BMP6: variants seen among roughly 807,000 people sequenced by gnomAD.
BMP6 encodes VG-1-R.
Under a neutral mutation model 54.1 loss-of-function variants are expected in BMP6, and 17 were observed. The observed-to-expected ratio is 0.31, with a 90% CI of 0.22 to 0.47. The LOEUF is 0.47. Among genes scored for constraint, BMP6 ranks in the 20% least tolerant of loss-of-function variants. BMP6 has a pLI of 1.00. For synonymous variants in BMP6, 328 were observed against 291.2 expected (o/e 1.13, Z -1.28); for missense variants, 720 against 690.4 (o/e 1.04, Z -0.48).
intron 1 of BMP6, among the ~76,000 whole-genome samples, chr6:7,803,909 G>C (rs1758309271): frequency 6.6e-6 from 1 of 152,054 alleles, no homozygotes; most frequent in Non-Finnish European, 1.5e-5. Flanking sequence ...ATTTTTACCA[G>C]GTACTACAGT....
At chr6:7,779,259 C>T (rs970901352) in intron 1 of BMP6, among the ~76,000 whole-genome samples, 1 of 152,076 alleles carries the variant, frequency 6.6e-6, no homozygotes. Context: ...GGGGGATGCT[C>T]AAGTTATCAG....
At chr6:7,832,502 C>T (rs1758808256) in intron 1 of BMP6, among the ~76,000 whole-genome samples, 1 of 152,066 alleles carries the variant, frequency 6.6e-6, no homozygotes, top group East Asian at 1.9e-4. Context: ...GTGAGAAATA[C>T]ATTTGTGTTG....
At position 7,823,657 on chromosome 6, in the gene BMP6, T is replaced by C. The variant is rs150203289; in HGVS notation, c.665-21483T>C. 2.6e-5 allele frequency among the ~76,000 whole-genome samples: 4 copies of C among 152,236 alleles called. No individual in the cohort carries two copies. The South Asian group carries it at 8.3e-4, about 32-fold the overall frequency. Reference sequence around the variant, plus strand: ...AGAAGGTCTCTCTGAGGAGATGATATGTGAGCAGAGATGTGACAAGGGGAG... The same window carrying C: ...AGAAGGTCTCTCTGAGGAGATGATACGTGAGCAGAGATGTGACAAGGGGAG... On this transcript the variant is annotated intron_variant, in intron 1 of 6. Transcript: ENST00000283147.
rs1260406263 is a variant in BMP6, at chr6:7,727,219, G to T, written c.264G>T (p.Gly88=). ...EMQKEILSVL[G]LPHRPRPLHG... is the part of the protein sequence containing the mutation. ...AGAAGGAGATCTTGTCGGTGCTGGG[G>T]CTCCCGCACCGGCCCCGGCCCCTGC... Residue 88 remains glycine (G), a synonymous_variant, in exon 1 of 7, where the codon GGG becomes GGT. Transcript: ENST00000283147. The T allele has an allele frequency of 1.2e-6, 2 of 1,605,474 alleles. No homozygotes were observed. The highest frequency in any genetic ancestry group is 8.5e-7 in the Non-Finnish European group (1 of 1,176,806).
rs3837026 is a variant in BMP6 at position 7,861,084 on chromosome 6, C to CA, written c.858-354dup. ...TAGGTGACAGAGTGAGACCCAGTCT[C>CA]AAAAAAAAAAAAATAAAAAAGTTTT... On this transcript the variant is annotated intron_variant, in intron 2 of 6. Transcript: ENST00000283147. Among the ~76,000 whole-genome samples, 1,254 of 131,718 alleles carry CA rather than the reference C, an allele frequency of 9.5e-3. 8 individuals are homozygous for CA. Among genetic ancestry groups the CA allele is most frequent in the East Asian group, 0.015 (71 of 4,612 alleles). 86.4% of individuals were successfully genotyped at this position (131,718 alleles called of 152,430 possible). A position where few individuals can be genotyped will look rare whatever the true frequency, so the allele number is the denominator to read the frequency against.
At chr6:7,878,465 G>T (rs1027397958) in intron 4 of BMP6, among the ~76,000 whole-genome samples, 1 of 152,122 alleles carries the variant, frequency 6.6e-6, no homozygotes, top group Non-Finnish European at 1.5e-5. Context: ...AGGAACCCCT[G>T]GCTTAGTGTT....
intron 1 of BMP6, among the ~76,000 whole-genome samples, chr6:7,778,952 A>G (rs968830896): frequency 1.3e-5 from 2 of 152,354 alleles, no homozygotes; most frequent in Non-Finnish European, 2.9e-5. Context: ...TACACTGAGG[A>G]CAGGTGCTGT....
At chr6:7,858,276 G>A (rs561126633) in intron 2 of BMP6, among the ~76,000 whole-genome samples, 1 of 151,932 alleles carries the variant, frequency 6.6e-6, no homozygotes, top group Admixed American at 6.6e-5. Context: ...GTAGAGGTAG[G>A]GTTTCGCCAT....
chr6:7,793,509 T>G lies in BMP6; in HGVS notation c.665-51631T>G, dbSNP rs144474081. Among the ~76,000 whole-genome samples, 15 of 152,014 alleles carry G rather than the reference T, an allele frequency of 9.9e-5. No individual in the cohort carries two copies. In the East Asian group the frequency reaches 2.5e-3, roughly 26 times the overall value. On this transcript the variant is annotated intron_variant, in intron 1 of 6. Coordinates refer to ENST00000283147, the MANE Select transcript of BMP6 (RefSeq NM_001718.6). ...ACAACACCGAGAGTGAACTCTAATG[T>G]CAACTGTGGACCTTGGGTGATAATG...
At chr6:7,803,887 A>C (rs1191254765) in intron 1 of BMP6, among the ~76,000 whole-genome samples, 1 of 152,166 alleles carries the variant, frequency 6.6e-6, no homozygotes, top group African/African-American at 2.4e-5. Context: ...ATTGGATGAA[A>C]TATGGTAATT....
chr6:7,808,824 G>A (rs1405801697), intron 1 of BMP6, among the ~76,000 whole-genome samples: 1 of 149,348 alleles, frequency 6.7e-6, no homozygotes, highest in African/African-American at 2.5e-5. Context: ...TAAAGCAGAA[G>A]GATTGCTTGA....
chr6:7,729,350 C>T (rs1761810372), intron 1 of BMP6, among the ~76,000 whole-genome samples: 1 of 150,282 alleles, frequency 6.7e-6, no homozygotes, highest in Middle Eastern at 3.2e-3. Context: ...TCCAGGTTTC[C>T]TGGCAGCTCT....
intron 4 of BMP6, among the ~76,000 whole-genome samples, chr6:7,870,601 T>A (rs907485355): frequency 6.6e-6 from 1 of 152,090 alleles, no homozygotes; most frequent in African/African-American, 2.4e-5. Flanking sequence ...GAAACAGGCA[T>A]GTCTGTCTTG....
At chr6:7,788,602 C>G (rs866394402) in intron 1 of BMP6, among the ~76,000 whole-genome samples, 3 of 152,288 alleles carry the variant, frequency 2.0e-5, no homozygotes, top group South Asian at 2.1e-4. Context: ...AGTGTATTAT[C>G]AAAGAGTCAA....
At chr6:7,755,221 A>C (rs34120035) in intron 1 of BMP6, among the ~76,000 whole-genome samples, 20,768 of 151,884 alleles carry the variant, frequency 0.14, 1,530 homozygotes, top group East Asian at 0.3. Context: ...CCATCTTGCT[A>C]TTTGTTTTCT....
intron 4 of BMP6, among the ~76,000 whole-genome samples, chr6:7,872,386 A>G (rs1759542933): frequency 6.6e-6 from 1 of 152,180 alleles, no homozygotes; most frequent in East Asian, 1.9e-4. Context: ...AGGAGCATCA[A>G]CCTTCATAAA....
chr6:7,761,419 G>T (rs1757611741), intron 1 of BMP6, among the ~76,000 whole-genome samples: 1 of 152,218 alleles, frequency 6.6e-6, no homozygotes, highest in Admixed American at 6.5e-5. Flanking sequence ...AGAATTCCAA[G>T]TGCATTTCTC....
chr6:7,795,525 C>G (rs1196837831), intron 1 of BMP6, among the ~76,000 whole-genome samples: 2 of 152,144 alleles, frequency 1.3e-5, no homozygotes, highest in African/African-American at 4.8e-5. Context: ...GCTAGTTTGT[C>G]ATGAAGCCAC....
chr6:7,799,170 G>A (rs72827090), intron 1 of BMP6, among the ~76,000 whole-genome samples: 4,636 of 152,258 alleles, frequency 0.03, 102 homozygotes, highest in Non-Finnish European at 0.042. Context: ...AGAGAGGAGA[G>A]AGCAGCTTGT....
Sources: gnomAD v4.1 joint callset for allele counts (sites outside exome capture counted in the v4.1 genomes callset) on GRCh38, gnomAD v4.1.1 for gene constraint, MANE v1.5 for transcripts, NCBI Gene and HGNC (gene_info 2026-07-23, HGNC 2026-07-21) for gene names.